The following TMEM135 variants were observed in gnomAD, a reference collection of about 807,000 sequenced individuals.
TMEM135 encodes the protein transmembrane protein 135.
Under a neutral mutation model 60.3 loss-of-function variants are expected in TMEM135, and 30 were observed. That is an observed-to-expected ratio of 0.50 (90% CI 0.37 to 0.68). The LOEUF is 0.68. TMEM135 is among the 30% of genes least tolerant of loss of function. TMEM135 has a pLI of 0.00. For synonymous variants in TMEM135, 190 were observed against 186.7 expected (o/e 1.02, Z -0.14); for missense variants, 468 against 548.8 (o/e 0.85, Z 1.47).
At chr11:87,076,016 C>T (rs1285009477) in intron 3 of TMEM135, among the ~76,000 whole-genome samples, 3 of 152,136 alleles carry the variant, frequency 2.0e-5, no homozygotes, top group African/African-American at 7.2e-5. Context: ...GTGGGTCTTG[C>T]CCAAGGCTTG....
At chr11:87,244,765 C>T (rs1159618210) in intron 6 of TMEM135, among the ~76,000 whole-genome samples, 9 of 147,584 alleles carry the variant, frequency 6.1e-5, no homozygotes, top group African/African-American at 1.3e-4. Context: ...GTCTTGCTAG[C>T]GGTCTATCAA....
At chr11:87,103,337 G>C (rs1857506571) in intron 4 of TMEM135, among the ~76,000 whole-genome samples, 1 of 152,048 alleles carries the variant, frequency 6.6e-6, no homozygotes, top group Admixed American at 6.5e-5. Flanking sequence ...CCAGGTACTT[G>C]CCAACACTTT....
rs58025103 is a variant in TMEM135, at chr11:87,195,314, TTTCCTTCCTTCCTTCCTTCCTTCC to T, written c.462+37964_462+37987del. Among the ~76,000 whole-genome samples the T allele has an allele frequency of 9.6e-3, 634 of 65,726 alleles. 10 individuals carry two copies. Among genetic ancestry groups the T allele is most frequent in the African/African-American group, 0.02 (332 of 16,512 alleles). 43.1% of individuals were successfully genotyped at this position (65,726 alleles called of 152,430 possible). Reference sequence around the variant, plus strand: ...AAAAGTCATTTTCTCTTTCTTTCTCTTTCCTTCCTTCCTTCCTTCCTTCCTTCCTTCCTTCCTTCCTTCCTTCCT... The same window carrying T: ...AAAAGTCATTTTCTCTTTCTTTCTCTTTCCTTCCTTCCTTCCTTCCTTCCT... On this transcript the variant is annotated intron_variant, in intron 5 of 14. Transcript: ENST00000305494.
intron 6 of TMEM135, among the ~76,000 whole-genome samples, chr11:87,260,917 G>C (rs1941639455): frequency 6.6e-6 from 1 of 152,138 alleles, no homozygotes. Flanking sequence ...GTGAGCTTCA[G>C]TAGTTCCAAC....
chr11:87,227,711 A>G (rs953944356), intron 5 of TMEM135, among the ~76,000 whole-genome samples: 1 of 152,182 alleles, frequency 6.6e-6, no homozygotes. Flanking sequence ...TATGTTGCAT[A>G]TATTTTGACT....
At chr11:87,204,668 TTAAGTGGAAGTGGATCATCA>T (rs1203917971) in intron 5 of TMEM135, among the ~76,000 whole-genome samples, 5 of 152,288 alleles carry the variant, frequency 3.3e-5, no homozygotes, top group East Asian at 1.9e-4. Context: ...TTACTGTTCT[TTAAGTGGAAGTGGATCATCA>T]TAAGTGGAAG....
At chr11:87,232,694 C>T (rs539720645) in intron 5 of TMEM135, among the ~76,000 whole-genome samples, 4 of 152,110 alleles carry the variant, frequency 2.6e-5, no homozygotes, top group African/African-American at 9.6e-5. Flanking sequence ...AATAATAGCA[C>T]AAAGGTCGAG....
chr11:87,135,518 C>CTTTT (rs1565456529), intron 4 of TMEM135, among the ~76,000 whole-genome samples: 1 of 114,550 alleles, frequency 8.7e-6, no homozygotes, highest in Non-Finnish European at 1.8e-5. Context: ...AACGGAATTA[C>CTTTT]GTTTGCACTA....
intron 3 of TMEM135, among the ~76,000 whole-genome samples, chr11:87,086,180 C>G (rs1310754533): frequency 6.6e-6 from 1 of 152,030 alleles, no homozygotes. Context: ...CTTAGAAATA[C>G]CTTGTTGGCT....
At chr11:87,098,793 A>G (rs1047422738) in intron 4 of TMEM135, among the ~76,000 whole-genome samples, 1 of 151,856 alleles carries the variant, frequency 6.6e-6, no homozygotes, top group African/African-American at 2.4e-5. Context: ...GGTTCATGCC[A>G]TTCTCCTGCC....
At chr11:87,269,850 G>T (rs1194105733) in intron 6 of TMEM135, among the ~76,000 whole-genome samples, 1 of 145,328 alleles carries the variant, frequency 6.9e-6, no homozygotes, top group Admixed American at 7.0e-5. Context: ...AGTCCTTTGG[G>T]TATATACCCA....
At chr11:87,159,144 G>A (rs1938791273) in intron 5 of TMEM135, among the ~76,000 whole-genome samples, 1 of 152,066 alleles carries the variant, frequency 6.6e-6, no homozygotes. Flanking sequence ...CTAATTATTA[G>A]GTGTTGTTCC....
At chr11:87,195,391 TTCTC>T (rs369638331) in intron 5 of TMEM135, among the ~76,000 whole-genome samples, 3 of 65,758 alleles carry the variant, frequency 4.6e-5, no homozygotes, top group African/African-American at 1.6e-4. Context: ...CCTTCCTTCC[TTCTC>T]TCTCTCTCTC....
intron 1 of TMEM135, among the ~76,000 whole-genome samples, chr11:87,065,248 A>C (rs1856627631): frequency 6.6e-6 from 1 of 152,228 alleles, no homozygotes; most frequent in South Asian, 2.1e-4. Context: ...TTGATTGTTT[A>C]ATTTTTCAAA....
At chr11:87,201,950 T>TTATG (rs1940103328) in intron 5 of TMEM135, among the ~76,000 whole-genome samples, 14 of 137,816 alleles carry the variant, frequency 1.0e-4, no homozygotes, top group Non-Finnish European at 2.0e-4. Flanking sequence ...GTATTTATTT[T>TTATG]TTATGTTATG....
At chr11:87,080,042 A>G (rs1856956504) in intron 3 of TMEM135, among the ~76,000 whole-genome samples, 2 of 151,120 alleles carry the variant, frequency 1.3e-5, no homozygotes, top group Non-Finnish European at 2.9e-5. Flanking sequence ...GGGTTTCACC[A>G]TATTGGCCAG....
intron 5 of TMEM135, among the ~76,000 whole-genome samples, chr11:87,183,571 T>C (rs571145177): frequency 2.6e-5 from 4 of 152,314 alleles, no homozygotes; most frequent in Non-Finnish European, 5.9e-5. Flanking sequence ...TTAAATTGTC[T>C]GATAAAAGTA....
At chr11:87,074,352 G>A (rs1856829999) in intron 3 of TMEM135, among the ~76,000 whole-genome samples, 1 of 152,090 alleles carries the variant, frequency 6.6e-6, no homozygotes, top group Admixed American at 6.5e-5. Context: ...TTATATATGT[G>A]TTAAGTATTA....
chr11:87,325,148 T>C lies in TMEM135; in HGVS notation c.*3815T>C, dbSNP rs957918752. 16 of 454,062 alleles carry C rather than the reference T, an allele frequency of 3.5e-5. No homozygotes were observed. The highest frequency in any genetic ancestry group is 5.7e-5 in the Non-Finnish European group (13 of 226,778). 28.1% of individuals were successfully genotyped at this position (454,062 alleles called of 1,614,324 possible). On this transcript the variant is annotated 3_prime_UTR_variant, in exon 15 of 15. Coordinates refer to ENST00000305494, the MANE Select transcript of TMEM135 (RefSeq NM_022918.4). ...AGATGACCCTCAGATTGGGGGGCTG[T>C]CTTAGATTCTAGGGCTTTGTAGTAC... is the stretch of plus-strand genomic sequence containing the variant.
Sources: gnomAD v4.1 joint callset for allele counts (sites outside exome capture counted in the v4.1 genomes callset) on GRCh38, gnomAD v4.1.1 for gene constraint, MANE v1.5 for transcripts, NCBI Gene and HGNC (gene_info 2026-07-23, HGNC 2026-07-21) for gene names.